ADAMTS9: variants seen among roughly 807,000 people sequenced by gnomAD.
ADAMTS9 encodes the protein ADAM metallopeptidase with thrombospondin type 1 motif 9, also known as A disintegrin and metalloproteinase with thrombospondin motifs 9.
A neutral mutation model predicts 257.1 loss-of-function variants in ADAMTS9; 107 were observed. That is an observed-to-expected ratio of 0.42 (90% CI 0.36 to 0.49). The LOEUF is 0.49. Among genes scored for constraint, ADAMTS9 ranks in the 20% least tolerant of loss-of-function variants. The pLI is 0.03. For missense variants in ADAMTS9, 2,353 were observed against 2,469.1 expected, an observed-to-expected ratio of 0.95 and a Z score of 1.00; for synonymous variants, 982 against 880.9, an observed-to-expected ratio of 1.11 and a Z score of -2.03.
chr3:64,522,188 C>T lies in ADAMTS9; in HGVS notation c.5791G>A (p.Glu1931Lys), dbSNP rs1047049624. The change falls in exon 39 of 40, where the codon GAG becomes AAG. Residue 1931 changes from glutamate (E) to lysine (K), a missense_variant. Physicochemically the swap from Glu to Lys is moderately conservative, Grantham distance 56 (BLOSUM62 1). Coordinates refer to ENST00000498707, the MANE Select transcript of ADAMTS9 (RefSeq NM_182920.2). ...KCTPSSGTGL[E>K]VRVL ...TACCTTAGCTATAAAACTCGCACCT[C>T]CAGGCCAGTACCAGAGGATGGAGTG... 3 of 1,613,898 alleles carry T rather than the reference C, an allele frequency of 1.9e-6. No homozygotes were observed. The African/African-American group carries it at 4.0e-5, about 22-fold the overall frequency.
In ADAMTS9 at chr3:64,633,705, G is replaced by A. The variant is rs1198409818; in HGVS notation, c.2031C>T (p.Tyr677=). Residue 677 remains tyrosine (Y), a synonymous_variant, in exon 13 of 40, where the codon TAC becomes TAT. Coordinates refer to ENST00000498707, the MANE Select transcript of ADAMTS9 (RefSeq NM_182920.2). ...LLPNVRWVPK[Y]SGILMKDRCK... is the part of the protein sequence containing the mutation. Reference sequence around the variant, plus strand: ...TACACCAGACACACTTACTTCCACTGTATTTAGGGACCCAGCGCACATTGG... The same window carrying A: ...TACACCAGACACACTTACTTCCACTATATTTAGGGACCCAGCGCACATTGG... The A allele has an allele frequency of 6.2e-7, 1 of 1,613,716 alleles. No individual in the cohort carries two copies. The highest frequency in any genetic ancestry group is 8.5e-7 in the Non-Finnish European group (1 of 1,179,944).
intron 3 of ADAMTS9, among the ~76,000 whole-genome samples, chr3:64,676,926 A>G (rs1279705256): frequency 6.6e-6 from 1 of 152,178 alleles, no homozygotes; most frequent in Non-Finnish European, 1.5e-5. Context: ...GGCAAACAAA[A>G]CAGCCTTCTT....
At chr3:64,628,415 C>T (rs367644611) in intron 16 of ADAMTS9, among the ~76,000 whole-genome samples, 13 of 152,122 alleles carry the variant, frequency 8.5e-5, no homozygotes, top group African/African-American at 3.1e-4. Context: ...CTCAACATGG[C>T]CTTCAGGTCT....
rs1363043524 is a variant in ADAMTS9, at chr3:64,633,683, A to G, written c.2038+15T>C. On this transcript the variant is annotated intron_variant, in intron 13 of 39. Coordinates refer to ENST00000498707, the MANE Select transcript of ADAMTS9 (RefSeq NM_182920.2). ...CGGCCGGCCAACGGTGAACAGATAC[A>G]CCAGACACACTTACTTCCACTGTAT... 6.2e-7 allele frequency: 1 copy of G among 1,613,500 alleles called. No homozygotes were observed. Among genetic ancestry groups the G allele is most frequent in the East Asian group, 2.2e-5 (1 of 44,814 alleles).
chr3:64,517,780 A>G (rs752721221), intron 39 of ADAMTS9, among the ~76,000 whole-genome samples: 7 of 152,056 alleles, frequency 4.6e-5, no homozygotes, highest in Non-Finnish European at 7.4e-5. Context: ...TTATCTTCTT[A>G]GATACAAAAT....
intron 38 of ADAMTS9, among the ~76,000 whole-genome samples, chr3:64,532,572 G>T (rs1303420565): frequency 6.6e-6 from 1 of 152,154 alleles, no homozygotes; most frequent in Non-Finnish European, 1.5e-5. Flanking sequence ...TTCAGCTGTA[G>T]ACTCTGACTC....
chr3:64,685,391 C>T (rs1425884982), intron 2 of ADAMTS9: 5 of 152,398 alleles, frequency 3.3e-5, no homozygotes, highest in African/African-American at 1.2e-4. Context: ...GTGGGTGCTT[C>T]GGGAAGAATA....
At chr3:64,606,192 T>G (rs888508351) in intron 23 of ADAMTS9, among the ~76,000 whole-genome samples, 2 of 152,254 alleles carry the variant, frequency 1.3e-5, no homozygotes, top group African/African-American at 4.8e-5. Context: ...CTATTCACAA[T>G]GTAACTGCTA....
chr3:64,661,391 C>G (rs1183659788), intron 3 of ADAMTS9, among the ~76,000 whole-genome samples: 1 of 152,168 alleles, frequency 6.6e-6, no homozygotes, highest in South Asian at 2.1e-4. Context: ...AAACAAGCAC[C>G]TACTATGTAC....
intron 37 of ADAMTS9, among the ~76,000 whole-genome samples, chr3:64,538,801 C>A (rs1239655869): frequency 6.6e-6 from 1 of 151,944 alleles, no homozygotes; most frequent in Non-Finnish European, 1.5e-5. Context: ...TACACCATGG[C>A]AATTGACAAA....
chr3:64,687,586 G>T lies in ADAMTS9; in HGVS notation c.72C>A (p.Asp24Glu), dbSNP rs1471854562. Reference protein sequence around the residue: ...VRDLAEMGSPDAAAAVRKDRL... With the variant: ...VRDLAEMGSPEAAAAVRKDRL... ...TGTCCTTGCGCACGGCCGCCGCGGC[G>T]TCTGGGCTCCCCATCTCGGCCAGGT... is the stretch of plus-strand genomic sequence containing the variant. Residue 24 changes from aspartate to glutamate, a missense_variant, in exon 1 of 40, where the codon GAC becomes GAA. Around this residue, in one of 3 missense-constraint regions of ADAMTS9, gnomAD observed 591 missense variants for 569.6 expected, o/e 1.04. Coordinates refer to ENST00000498707, the MANE Select transcript of ADAMTS9 (RefSeq NM_182920.2). The surrounding 1 kb of genome is among the most constrained non-coding windows in gnomAD (Gnocchi z 4.4). The T allele has an allele frequency of 5.1e-6, 8 of 1,578,630 alleles. 1 individual carries two copies. In the Middle Eastern group the frequency reaches 6.8e-4, roughly 134 times the overall value.
intron 30 of ADAMTS9, among the ~76,000 whole-genome samples, chr3:64,558,528 A>G (rs570316357): frequency 1.2e-3 from 183 of 152,088 alleles, no homozygotes; most frequent in Non-Finnish European, 1.5e-3. Context: ...GCATCCCTCA[A>G]AGTTGTGCAG....
At chr3:64,581,022 T>C (rs1241132011) in intron 28 of ADAMTS9, among the ~76,000 whole-genome samples, 5 of 152,280 alleles carry the variant, frequency 3.3e-5, no homozygotes. Flanking sequence ...CTTCCCTAAA[T>C]CTCAGTTTTC....
chr3:64,565,372 A>G (rs1442106221), intron 29 of ADAMTS9: 1 of 152,272 alleles, frequency 6.6e-6, no homozygotes, highest in Non-Finnish European at 1.5e-5. Context: ...GTAAGACAAC[A>G]CTGATTGCAA....
intron 26 of ADAMTS9, among the ~76,000 whole-genome samples, chr3:64,600,167 T>C (rs571710107): frequency 1.3e-5 from 2 of 151,674 alleles, no homozygotes; most frequent in South Asian, 4.2e-4. Context: ...AAAAACTTGA[T>C]TCCCATTCCC....
intron 2 of ADAMTS9, among the ~76,000 whole-genome samples, chr3:64,682,964 T>G (rs991127610): frequency 2.6e-5 from 4 of 152,194 alleles, no homozygotes; most frequent in African/African-American, 9.7e-5. Flanking sequence ...TAGGGATGGA[T>G]CTAGAATGTT....
intron 11 of ADAMTS9, among the ~76,000 whole-genome samples, chr3:64,645,525 T>C (rs962057948): frequency 1.3e-5 from 2 of 152,104 alleles, no homozygotes; most frequent in Admixed American, 6.5e-5. Context: ...TGCTAGCATA[T>C]AGAGAAAAGG....
Position 64,563,779 on chromosome 3 carries a change from A to G in ADAMTS9, c.4525-2028T>C, listed in dbSNP as rs544454949. Among the ~76,000 whole-genome samples the G allele has an allele frequency of 3.9e-5, 6 of 152,338 alleles. No individual in the cohort carries two copies. The East Asian group carries it at 9.7e-4, about 25-fold the overall frequency. On this transcript the variant is annotated intron_variant, in intron 29 of 39. Transcript: ENST00000498707. ...AAATACCACATTCAAAAGTTTCTACATGACTTAAGTGCTCACAGCAAGGTA... is the reference window on the plus strand; with the variant it reads ...AAATACCACATTCAAAAGTTTCTACGTGACTTAAGTGCTCACAGCAAGGTA...
chr3:64,670,790 G>C (rs993787522), intron 3 of ADAMTS9, among the ~76,000 whole-genome samples: 1 of 152,146 alleles, frequency 6.6e-6, no homozygotes, highest in East Asian at 1.9e-4. Context: ...TTAGACTTTA[G>C]GTAAATGCAA....
Sources: allele counts gnomAD v4.1 joint callset (sites outside exome capture counted in the v4.1 genomes callset), GRCh38; gene constraint gnomAD v4.1.1; regional missense constraint gnomAD v4.1.1; non-coding constraint Gnocchi (gnomAD v3.1); transcripts MANE v1.5; gene names NCBI Gene and HGNC (gene_info 2026-07-23, HGNC 2026-07-21).